The following TATDN1 variants were observed in gnomAD, a reference collection of about 807,000 sequenced individuals.
The protein encoded by TATDN1 is deoxyribonuclease TATDN1.
In TATDN1, 40 loss-of-function variants were observed where a neutral mutation model predicts 46.4. The observed-to-expected ratio is 0.86, with a 90% CI of 0.67 to 1.12. TATDN1 has a LOEUF of 1.12. TATDN1 is among the 50% of genes most tolerant of loss of function. TATDN1 has a pLI of 0.00. For synonymous variants in TATDN1, 95 were observed against 105.6 expected (o/e 0.90, Z 0.62); for missense variants, 326 against 348.4 (o/e 0.94, Z 0.51).
chr8:124,493,722 G>T, intron 11 of TATDN1, 111 bp downstream of exon 11: 1 of 1,295,582 alleles, frequency 7.7e-7, no homozygotes, highest in South Asian at 1.6e-5. Flanking sequence ...TCTTGAACCT[G>T]AACTTCACTT....
intron 9 of TATDN1, among the ~76,000 whole-genome samples, chr8:124,497,857 G>C (rs1817615177): frequency 6.6e-6 from 1 of 152,098 alleles, no homozygotes; most frequent in African/African-American, 2.4e-5. Flanking sequence ...TCTACTACTT[G>C]ATTGCTCAAA....
chr8:124,515,934 G>C lies in TATDN1; in HGVS notation c.299C>G (p.Ala100Gly). ...DLYLKELLNL[A>G]ENNKGKVVAI... ...CACAACTTTCCCTTTATTGTTTTCA[G>C]CAAGATTTAGCAACTCCTTTAAGTA... is the stretch of plus-strand genomic sequence containing the variant. Residue 100 changes from alanine (A) to glycine (G), a missense_variant, in exon 5 of 12, where the codon GCT becomes GGT. Physicochemically the swap from Ala to Gly is moderately conservative, Grantham distance 60. Transcript: ENST00000276692. 6.2e-7 allele frequency: 1 copy of C among 1,613,968 alleles called. No homozygotes were observed. Among genetic ancestry groups the C allele is most frequent in the Admixed American group, 1.7e-5 (1 of 59,998 alleles).
rs773883070 is a variant in TATDN1 at position 124,539,022 on chromosome 8, T to C, written c.22+3A>G. On this transcript the variant is annotated splice_donor_region_variant and intron_variant, in intron 1 of 11. Transcript: ENST00000276692. ...CCAAGGGCGTGGAAAACGCTCCTCTTACCGATAAACTTGAAGCGACTCATG... is the reference window on the plus strand; with the variant it reads ...CCAAGGGCGTGGAAAACGCTCCTCTCACCGATAAACTTGAAGCGACTCATG... The C allele has an allele frequency of 1.2e-6, 2 of 1,614,088 alleles. No homozygotes were observed. Among genetic ancestry groups the C allele is most frequent in the Non-Finnish European group, 1.7e-6 (2 of 1,179,982 alleles).
At chr8:124,497,112 T>C (rs1817535095) in intron 9 of TATDN1, among the ~76,000 whole-genome samples, 1 of 152,180 alleles carries the variant, frequency 6.6e-6, no homozygotes, top group Non-Finnish European at 1.5e-5. Context: ...AATTGGTCAT[T>C]GTCTTCTGAA....
chr8:124,503,788 CAG>C (rs1446344504), intron 9 of TATDN1: 13 of 596,222 alleles, frequency 2.2e-5, no homozygotes, highest in Non-Finnish European at 3.1e-5. Context: ...AGAAAGATCA[CAG>C]AGTGAGAAGC....
chr8:124,497,468 T>C (rs996035320), intron 9 of TATDN1, among the ~76,000 whole-genome samples: 1 of 152,044 alleles, frequency 6.6e-6, no homozygotes, highest in Admixed American at 6.5e-5. Context: ...GTATTTTTAG[T>C]AGAGAGGGGG....
chr8:124,498,951 CTTT>C (rs77795578), intron 9 of TATDN1, among the ~76,000 whole-genome samples: 30 of 132,332 alleles, frequency 2.3e-4, no homozygotes, highest in Non-Finnish European at 3.7e-4. Context: ...CGCCTGGCCT[CTTT>C]TTTTTTTTTT....
At chr8:124,495,038 G>C (rs1471875646) in intron 10 of TATDN1, 2 of 161,112 alleles carry the variant, frequency 1.2e-5, no homozygotes, top group African/African-American at 2.4e-5. Flanking sequence ...TGTTTTAAGA[G>C]GCAACGGATT....
chr8:124,516,622 T>C (rs1290005407), intron 4 of TATDN1, among the ~76,000 whole-genome samples: 2 of 152,166 alleles, frequency 1.3e-5, no homozygotes, highest in Non-Finnish European at 2.9e-5. Flanking sequence ...ATTTTATCTT[T>C]TATATTCACC....
intron 11 of TATDN1, among the ~76,000 whole-genome samples, chr8:124,491,888 G>T (rs1181006931): frequency 6.6e-6 from 1 of 151,850 alleles, no homozygotes; most frequent in Non-Finnish European, 1.5e-5. Context: ...TTTAAATGTG[G>T]TTTAAATCTT....
At chr8:124,516,876 T>C (rs1254833258) in intron 4 of TATDN1, among the ~76,000 whole-genome samples, 2 of 152,176 alleles carry the variant, frequency 1.3e-5, no homozygotes, top group Non-Finnish European at 2.9e-5. Context: ...AAACACTTTT[T>C]GAATGGCTTA....
chr8:124,488,795 C>A, intron 11 of TATDN1, 99 bp from the exon 12 acceptor site: 1 of 720,210 alleles, frequency 1.4e-6, no homozygotes, highest in East Asian at 2.7e-5. Context: ...TATTGGCACA[C>A]CTTTAATATA....
intron 8 of TATDN1, chr8:124,504,663 C>G (rs1818247506): frequency 5.3e-6 from 1 of 188,576 alleles, no homozygotes; most frequent in Admixed American, 6.1e-5. Context: ...TATTCTTAGG[C>G]AAAAACATGA....
At chr8:124,497,732 T>G (rs1297745710) in intron 9 of TATDN1, among the ~76,000 whole-genome samples, 1 of 152,186 alleles carries the variant, frequency 6.6e-6, no homozygotes, top group Admixed American at 6.5e-5. Context: ...ATTTTTGTGA[T>G]CTAAGGCAGC....
chr8:124,526,083 C>G (rs1300796183), intron 1 of TATDN1, among the ~76,000 whole-genome samples: 1 of 152,198 alleles, frequency 6.6e-6, no homozygotes, highest in African/African-American at 2.4e-5. Flanking sequence ...TGCCATACAC[C>G]CTATAGTTCA....
chr8:124,517,542 T>C (rs907350675), intron 4 of TATDN1, among the ~76,000 whole-genome samples: 1 of 151,778 alleles, frequency 6.6e-6, no homozygotes, highest in Admixed American at 6.6e-5. Context: ...AGGAAACACA[T>C]CAGTATTTTA....
chr8:124,513,929 A>T (rs1819240462), intron 6 of TATDN1, among the ~76,000 whole-genome samples: 1 of 152,232 alleles, frequency 6.6e-6, no homozygotes, highest in South Asian at 2.1e-4. Context: ...TTTAAGGTTA[A>T]GTGAGCTGGC....
At position 124,508,306 on chromosome 8, in the gene TATDN1, C is replaced by T. The variant is rs144216742; in HGVS notation, c.516+168G>A. Among the ~76,000 whole-genome samples, 191 of 152,182 alleles carry T rather than the reference C, an allele frequency of 1.3e-3. 2 individuals are homozygous for T. The highest frequency in any genetic ancestry group is 4.2e-3 in the African/African-American group (174 of 41,512). On this transcript the variant is annotated intron_variant, in intron 8 of 11. Transcript: ENST00000276692. Reference sequence around the variant, plus strand: ...GGTAAATATTTTAAATAATTTTGTGCGTGAAACAAAATTTGTGTACAATGA... The same window carrying T: ...GGTAAATATTTTAAATAATTTTGTGTGTGAAACAAAATTTGTGTACAATGA...
rs376146334 is a variant in TATDN1 at position 124,518,321 on chromosome 8, G to A, written c.202+497C>T. On this transcript the variant is annotated intron_variant, in intron 4 of 11. Coordinates refer to ENST00000276692, the MANE Select transcript of TATDN1 (RefSeq NM_032026.4). ...GGGTGGATCACGAGGTCAGGAGATC[G>A]AGACCATCCTGGCTAACATGGTGAA... Among the ~76,000 whole-genome samples, 36 of 145,768 alleles carry A rather than the reference G, an allele frequency of 2.5e-4. No homozygotes were observed. The South Asian group carries it at 4.4e-3, about 18-fold the overall frequency.
Sources: gnomAD v4.1 joint callset for allele counts (sites outside exome capture counted in the v4.1 genomes callset) on GRCh38, gnomAD v4.1.1 for gene constraint, MANE v1.5 for transcripts, NCBI Gene and HGNC (gene_info 2026-07-23, HGNC 2026-07-21) for gene names.